The following FSTL4 variants were observed in gnomAD, a reference collection of about 807,000 sequenced individuals.
The protein encoded by FSTL4 is follistatin-related protein 4.
A neutral mutation model predicts 78.2 loss-of-function variants in FSTL4; 28 were observed. The observed-to-expected ratio is 0.36, with a 90% confidence interval of 0.27 to 0.49. The LOEUF (loss-of-function observed/expected upper bound fraction) is 0.49. Among genes scored for constraint, FSTL4 ranks in the 20% least tolerant of loss-of-function variants. The pLI is 0.98. For missense variants in FSTL4, 922 were observed against 1,084.9 expected, an observed-to-expected ratio of 0.85 and a Z score of 2.11; for synonymous variants, 422 against 440.5, an observed-to-expected ratio of 0.96 and a Z score of 0.53.
At chr5:133,397,818 C>T (rs1305569375) in intron 4 of FSTL4, among the ~76,000 whole-genome samples, 2 of 152,220 alleles carry the variant, frequency 1.3e-5, no homozygotes, top group African/African-American at 4.8e-5. Flanking sequence ...GTCACAACTT[C>T]TTCTTGTAAA....
intron 4 of FSTL4, among the ~76,000 whole-genome samples, chr5:133,352,309 TATAC>T (rs1754845269): frequency 7.5e-6 from 1 of 133,908 alleles, no homozygotes; most frequent in East Asian, 2.3e-4. Context: ...CACATATATA[TATAC>T]ACACATATAT....
At chr5:133,293,076 C>G (rs1351645651) in intron 6 of FSTL4, among the ~76,000 whole-genome samples, 1 of 152,248 alleles carries the variant, frequency 6.6e-6, no homozygotes, top group Admixed American at 6.5e-5. Context: ...GGAGGACCGT[C>G]ACAGCCACCT....
At position 133,274,380 on chromosome 5, in the gene FSTL4, CTTTT is replaced by C. The variant is rs59634629; in HGVS notation, c.728-24808_728-24805del. Among the ~76,000 whole-genome samples the C allele has an allele frequency of 5.6e-5, 4 of 71,030 alleles. 1 individual carries two copies. Among genetic ancestry groups the C allele is most frequent in the Non-Finnish European group, 7.2e-5 (3 of 41,646 alleles). 46.6% of individuals were successfully genotyped at this position (71,030 alleles called of 152,430 possible). A position where few individuals can be genotyped will look rare whatever the true frequency, so the allele number is the denominator to read the frequency against. ...ATTCTCAGAAAAAGGGCAATCTGTG[CTTTT>C]TTTTTTTTTTTTAGGAGAACAGCAA... On this transcript the variant is annotated intron_variant, in intron 6 of 15. Coordinates refer to ENST00000265342, the MANE Select transcript of FSTL4 (RefSeq NM_015082.2).
At chr5:133,655,855 C>T in the FSTL4 span, among the ~76,000 whole-genome samples, 1 of 152,194 alleles carries the variant, frequency 6.6e-6, no homozygotes, top group Non-Finnish European at 1.5e-5. Context: ...AATGCAGTTA[C>T]TAATCATGGT....
Position 133,569,132 on chromosome 5 carries a change from G to T in FSTL4, c.127-1913C>A, listed in dbSNP as rs1760094242. Among the ~76,000 whole-genome samples, 3 of 152,136 alleles carry T rather than the reference G, an allele frequency of 2.0e-5. No individual in the cohort carries two copies. In the South Asian group the frequency reaches 6.2e-4, roughly 32 times the overall value. On this transcript the variant is annotated intron_variant, in intron 2 of 15. Coordinates refer to ENST00000265342, the MANE Select transcript of FSTL4 (RefSeq NM_015082.2). ...TATTTATTTTATAACCAGCTTCTTG[G>T]TTAAATTTTACTGTTTGTAATAGTT...
chr5:133,681,580 A>T, the FSTL4 span, among the ~76,000 whole-genome samples: 3 of 152,236 alleles, frequency 2.0e-5, no homozygotes, highest in Non-Finnish European at 2.9e-5. Context: ...AAGAAAAAAA[A>T]AACTTGACAA....
the FSTL4 span, among the ~76,000 whole-genome samples, chr5:133,625,335 A>C: frequency 6.6e-6 from 1 of 151,588 alleles, no homozygotes; most frequent in South Asian, 2.1e-4. Context: ...ATATTGGAGG[A>C]GTTGTGGAAG....
intron 6 of FSTL4, among the ~76,000 whole-genome samples, chr5:133,286,753 G>C (rs1232035741): frequency 6.6e-6 from 1 of 152,162 alleles, no homozygotes. Context: ...CTAACAAGCA[G>C]ATCAGCCTTC....
chr5:133,651,125 AT>A, the FSTL4 span, among the ~76,000 whole-genome samples: 16 of 151,834 alleles, frequency 1.1e-4, no homozygotes, highest in East Asian at 1.9e-4. Context: ...AGTTCCAGGA[AT>A]TTTTTTTTGT....
intron 8 of FSTL4, among the ~76,000 whole-genome samples, chr5:133,230,877 AT>A (rs1388082156): frequency 6.6e-6 from 1 of 152,164 alleles, no homozygotes; most frequent in Non-Finnish European, 1.5e-5. Context: ...AGACTCTTCT[AT>A]GAGCACTCCT....
At chr5:133,736,949 A>G in the FSTL4 span, among the ~76,000 whole-genome samples, 1 of 152,166 alleles carries the variant, frequency 6.6e-6, no homozygotes, top group Non-Finnish European at 1.5e-5. Context: ...GTTTGTGGGT[A>G]CATAGTAGGT....
chr5:133,572,899 G>A (rs1189701577), intron 2 of FSTL4, among the ~76,000 whole-genome samples: 1 of 151,914 alleles, frequency 6.6e-6, no homozygotes, highest in Non-Finnish European at 1.5e-5. Flanking sequence ...AGAAAACATG[G>A]GTTTATATTT....
chr5:133,339,182 G>A (rs931154389), intron 4 of FSTL4, among the ~76,000 whole-genome samples: 20 of 152,114 alleles, frequency 1.3e-4, no homozygotes, highest in Non-Finnish European at 2.8e-4. Context: ...TCTTGCCCCC[G>A]CCCCTTTCCA....
chr5:133,745,063 G>A, the FSTL4 span, among the ~76,000 whole-genome samples: 2 of 152,158 alleles, frequency 1.3e-5, no homozygotes, highest in African/African-American at 2.4e-5. Context: ...GTCTGTGCCA[G>A]GAAGATGACA....
chr5:133,785,007 G>T, the FSTL4 span, among the ~76,000 whole-genome samples: 1 of 152,228 alleles, frequency 6.6e-6, no homozygotes, highest in East Asian at 1.9e-4. Flanking sequence ...AGGGAATAAG[G>T]CCATAAGGAG....
At chr5:133,413,624 T>C (rs1299701478) in intron 3 of FSTL4, among the ~76,000 whole-genome samples, 4 of 152,230 alleles carry the variant, frequency 2.6e-5, no homozygotes, top group African/African-American at 9.6e-5. Flanking sequence ...AAATGGTATC[T>C]CTATTCCATT....
Position 133,199,703 on chromosome 5 carries a change from C to T in FSTL4, c.1921G>A (p.Gly641Ser). Reference protein sequence around the residue: ...PLKTIGLHHHGCVPQAMAHTH... With the variant: ...PLKTIGLHHHSCVPQAMAHTH... ...TGTGCCATGGCCTGGGGCACGCAGC[C>T]ATGGTGGTGCAGGCCGATGGTCTTG... Residue 641 changes from glycine (G) to serine (S), a missense_variant, in exon 16 of 16, where the codon GGC becomes AGC. Gly to Ser is a moderately conservative substitution (Grantham distance 56, BLOSUM62 0). Transcript: ENST00000265342. The surrounding 1 kb of genome is among the most constrained non-coding windows in gnomAD (Gnocchi z 4.4). 6.2e-7 allele frequency: 1 copy of T among 1,613,370 alleles called. No individual in the cohort carries two copies. The highest frequency in any genetic ancestry group is 1.1e-5 in the South Asian group (1 of 90,978).
chr5:133,760,058 G>A, the FSTL4 span, among the ~76,000 whole-genome samples: 1 of 152,314 alleles, frequency 6.6e-6, no homozygotes, highest in South Asian at 2.1e-4. Context: ...AGTCTATGAG[G>A]ACAGTAAGAG....
the FSTL4 span, among the ~76,000 whole-genome samples, chr5:133,796,984 T>C: frequency 1.3e-5 from 2 of 152,180 alleles, no homozygotes; most frequent in Non-Finnish European, 2.9e-5. Flanking sequence ...TAGACTGCAT[T>C]GAGCCCAGGA....
Sources: allele counts gnomAD v4.1 joint callset (sites outside exome capture counted in the v4.1 genomes callset), GRCh38; gene constraint gnomAD v4.1.1; non-coding constraint Gnocchi (gnomAD v3.1); transcripts MANE v1.5; gene names NCBI Gene and HGNC (gene_info 2026-07-23, HGNC 2026-07-21).